The following SORCS1 variants were observed in gnomAD, a reference collection of about 807,000 sequenced individuals.
SORCS1 encodes the protein VPS10 domain-containing receptor SorCS1.
Under a neutral mutation model 146.1 loss-of-function variants are expected in SORCS1, and 60 were observed. The observed-to-expected ratio is 0.41, with a 90% CI of 0.33 to 0.51. The LOEUF (loss-of-function observed/expected upper bound fraction) is 0.51. Ranked by LOEUF, SORCS1 falls within the 20% of genes least tolerant of loss-of-function variation. The probability of loss-of-function intolerance (pLI) is 0.21; values close to 1 mark genes in which losing one functional copy is unlikely to be tolerated. For synonymous variants in SORCS1, 637 were observed against 584.0 expected (o/e 1.09, Z -1.31); for missense variants, 1,352 against 1,487.6 (o/e 0.91, Z 1.50).
chr10:106,994,324 A>C (rs1956906325), intron 1 of SORCS1, among the ~76,000 whole-genome samples: 1 of 152,204 alleles, frequency 6.6e-6, no homozygotes, highest in South Asian at 2.1e-4. Flanking sequence ...TGTCTTAAAA[A>C]TTAGGAGTCA....
chr10:107,141,814 T>C (rs112984277), intron 1 of SORCS1, among the ~76,000 whole-genome samples: 4 of 152,326 alleles, frequency 2.6e-5, no homozygotes, highest in African/African-American at 9.6e-5. Flanking sequence ...CACAGGGAAC[T>C]ATGCTGAGGC....
intron 1 of SORCS1, among the ~76,000 whole-genome samples, chr10:107,045,971 G>A (rs1008810968): frequency 1.3e-5 from 2 of 151,150 alleles, no homozygotes; most frequent in African/African-American, 2.4e-5. Flanking sequence ...TTTTTGAAAC[G>A]GAGTCTTGCT....
chr10:106,596,130 G>GA (rs1042931019), intron 24 of SORCS1, among the ~76,000 whole-genome samples: 12 of 150,904 alleles, frequency 8.0e-5, no homozygotes, highest in Non-Finnish European at 1.5e-4. Flanking sequence ...GTTCTGACTG[G>GA]AAAAAAAAAT....
intron 2 of SORCS1, among the ~76,000 whole-genome samples, chr10:106,945,045 C>T (rs754581556): frequency 6.6e-6 from 1 of 151,412 alleles, no homozygotes; most frequent in Non-Finnish European, 1.5e-5. Context: ...GCCACCACAC[C>T]CAGCTAATTT....
At chr10:107,177,671 A>T in the SORCS1 span, among the ~76,000 whole-genome samples, 2 of 152,208 alleles carry the variant, frequency 1.3e-5, no homozygotes, top group Non-Finnish European at 2.9e-5. Context: ...CATTCTTACA[A>T]TATGTAATGA....
At chr10:107,022,834 G>A (rs1564937063) in intron 1 of SORCS1, among the ~76,000 whole-genome samples, 1 of 152,176 alleles carries the variant, frequency 6.6e-6, no homozygotes, top group South Asian at 2.1e-4. Context: ...GGATTTCTGG[G>A]TCTTACCTCC....
chr10:106,777,862 T>A (rs769614836), intron 3 of SORCS1, among the ~76,000 whole-genome samples: 1 of 152,220 alleles, frequency 6.6e-6, no homozygotes, highest in Non-Finnish European at 1.5e-5. Context: ...CATCAACTTA[T>A]TAATTGGTAC....
intron 1 of SORCS1, among the ~76,000 whole-genome samples, chr10:107,125,988 T>A (rs1662074801): frequency 6.6e-6 from 1 of 152,204 alleles, no homozygotes; most frequent in Non-Finnish European, 1.5e-5. Context: ...GCTAACGTGT[T>A]GGGCAAATGT....
At chr10:107,158,686 C>A (rs1443133943) in intron 1 of SORCS1, among the ~76,000 whole-genome samples, 1 of 152,140 alleles carries the variant, frequency 6.6e-6, no homozygotes, top group Non-Finnish European at 1.5e-5. Context: ...TAGCACTTCA[C>A]AAATATCCCT....
At chr10:106,799,918 C>G (rs17181929) in intron 3 of SORCS1, among the ~76,000 whole-genome samples, 4,437 of 152,234 alleles carry the variant, frequency 0.029, 100 homozygotes, top group Non-Finnish European at 0.049. Flanking sequence ...AGGGGAATTG[C>G]CTTCTGTCAC....
rs534269534 is a variant in SORCS1, at chr10:106,620,469, C to T, written c.2755G>A (p.Gly919Ser). Residue 919 changes from glycine (G) to serine (S), a missense_variant, in exon 20 of 26, where the codon GGC becomes AGC. By Grantham distance (56) the Gly-to-Ser change is moderately conservative. Transcript: ENST00000263054. ...TACCACCACACGTAAGTGAGGGTGC[C>T]CACTTGGCTGGGCCACAGCACTGCC... Reference protein sequence around the residue: ...ATAVLWPSQVGTLTYVWWYGN... With the variant: ...ATAVLWPSQVSTLTYVWWYGN... 16 of 1,613,978 alleles carry T rather than the reference C, an allele frequency of 9.9e-6. No individual in the cohort carries two copies. The Admixed American group carries it at 2.3e-4, about 24-fold the overall frequency.
intron 4 of SORCS1, among the ~76,000 whole-genome samples, chr10:106,766,319 G>A (rs1859570504): frequency 6.6e-6 from 1 of 152,154 alleles, no homozygotes; most frequent in Non-Finnish European, 1.5e-5. Context: ...TGGGTACAAA[G>A]CACTCATCCA....
At chr10:107,054,033 T>C (rs1960373400) in intron 1 of SORCS1, among the ~76,000 whole-genome samples, 1 of 152,168 alleles carries the variant, frequency 6.6e-6, no homozygotes, top group African/African-American at 2.4e-5. Flanking sequence ...ATTGAATTGA[T>C]CAGTAGGACC....
At position 106,794,338 on chromosome 10, in the gene SORCS1, G is replaced by T. The variant is rs183629468; in HGVS notation, c.727-17646C>A. On this transcript the variant is annotated intron_variant, in intron 3 of 25. Transcript: ENST00000263054. ...TTGGCATTTCTTATTGATGTAAGGGGAAAAAAGCATACATTCTTAGCTAAA... is the reference window on the plus strand; with the variant it reads ...TTGGCATTTCTTATTGATGTAAGGGTAAAAAAGCATACATTCTTAGCTAAA... Among the ~76,000 whole-genome samples the T allele has an allele frequency of 2.3e-3, 357 of 152,006 alleles. 4 individuals are homozygous for T. Among genetic ancestry groups the T allele is most frequent in the African/African-American group, 8.2e-3 (341 of 41,466 alleles).
In SORCS1 at chr10:107,089,990, G is replaced by C. The variant is rs192223574; in HGVS notation, c.558+73979C>G. Among the ~76,000 whole-genome samples, 5 of 152,204 alleles carry C rather than the reference G, an allele frequency of 3.3e-5. No individual in the cohort carries two copies. The East Asian group carries it at 9.6e-4, about 29-fold the overall frequency. ...AGGGCACTAGGAAGAATGATCCATC[G>C]ACCCACCAAATCCCTTAAGCCTGTG... On this transcript the variant is annotated intron_variant, in intron 1 of 25. Coordinates refer to ENST00000263054, the MANE Select transcript of SORCS1 (RefSeq NM_052918.5).
chr10:107,126,561 A>G (rs952767192), intron 1 of SORCS1, among the ~76,000 whole-genome samples: 2 of 152,164 alleles, frequency 1.3e-5, no homozygotes, highest in Non-Finnish European at 2.9e-5. Context: ...AGCTTAATCT[A>G]TACCATTTCC....
At chr10:106,639,624 AAT>A (rs1848936034) in intron 18 of SORCS1, among the ~76,000 whole-genome samples, 2 of 152,188 alleles carry the variant, frequency 1.3e-5, no homozygotes, top group Admixed American at 6.5e-5. Context: ...GAAGTGGCTC[AAT>A]TACCTTACTA....
chr10:106,735,847 G>A (rs890169647), intron 5 of SORCS1, among the ~76,000 whole-genome samples: 1 of 152,172 alleles, frequency 6.6e-6, no homozygotes, highest in African/African-American at 2.4e-5. Flanking sequence ...TTCAGTCCTG[G>A]TCTATGTGTG....
At chr10:106,654,458 C>T (rs961045027) in intron 17 of SORCS1, among the ~76,000 whole-genome samples, 1 of 152,146 alleles carries the variant, frequency 6.6e-6, no homozygotes, top group African/African-American at 2.4e-5. Flanking sequence ...TTAAAAGAAT[C>T]CTTACGATTT....
Sources: gnomAD v4.1 joint callset for allele counts (sites outside exome capture counted in the v4.1 genomes callset) on GRCh38, gnomAD v4.1.1 for gene constraint, MANE v1.5 for transcripts, NCBI Gene and HGNC (gene_info 2026-07-23, HGNC 2026-07-21) for gene names.